The following FAM193A variants were observed in gnomAD, a reference collection of about 807,000 sequenced individuals.
The protein encoded by FAM193A is protein FAM193A.
Under a neutral mutation model 126.5 loss-of-function variants are expected in FAM193A, and 22 were observed. The ratio of observed to expected loss-of-function variants is 0.17; its 90% CI spans 0.12 to 0.25. The LOEUF is 0.25. Ranked by LOEUF, FAM193A falls within the 10% of genes least tolerant of loss-of-function variation. FAM193A has a pLI of 1.00. For missense variants in FAM193A, 1,675 were observed against 1,672.8 expected (o/e 1.00, Z -0.02); for synonymous variants, 761 against 646.8 (o/e 1.18, Z -2.68).
At chr4:2,547,043 G>A (rs1445116827) in intron 1 of FAM193A, among the ~76,000 whole-genome samples, 2 of 152,092 alleles carry the variant, frequency 1.3e-5, no homozygotes, top group African/African-American at 2.4e-5. Flanking sequence ...CTGGCCTCCC[G>A]AAGTGCTAGG....
At chr4:2,699,171 T>C (rs930996374) in intron 18 of FAM193A, among the ~76,000 whole-genome samples, 1 of 152,204 alleles carries the variant, frequency 6.6e-6, no homozygotes, top group Non-Finnish European at 1.5e-5. Flanking sequence ...ACACATTTCT[T>C]ACATTCCCTG....
rs751083004 is a variant in FAM193A at position 2,663,013 on chromosome 4, A to G, written c.1899+22A>G. On this transcript the variant is annotated intron_variant, in intron 11 of 20. Transcript: ENST00000637812. ...TGAGGTATGGACATGGCTTCTTCGT[A>G]GCAACAATAAATGACATAAAATGAT... The G allele has an allele frequency of 1.2e-4, 192 of 1,601,086 alleles. 2 individuals carry two copies. The East Asian group carries it at 3.4e-3, about 29-fold the overall frequency.
At chr4:2,645,534 C>A (rs1057283123) in intron 6 of FAM193A, among the ~76,000 whole-genome samples, 2 of 148,796 alleles carry the variant, frequency 1.3e-5, no homozygotes, top group African/African-American at 4.9e-5. Context: ...TTCTTTTTTT[C>A]TTTTTTTATT....
intron 1 of FAM193A, among the ~76,000 whole-genome samples, chr4:2,566,297 T>A (rs1738945793): frequency 1.3e-5 from 2 of 152,194 alleles, no homozygotes; most frequent in South Asian, 4.1e-4. Context: ...TCTGCCCACC[T>A]TGGCCTCCCA....
At chr4:2,619,106 A>AT (rs1410286885) in intron 2 of FAM193A, among the ~76,000 whole-genome samples, 4 of 151,456 alleles carry the variant, frequency 2.6e-5, no homozygotes, top group Non-Finnish European at 4.4e-5. Flanking sequence ...TGTTTAGTGT[A>AT]TTTTTTTCTT....
rs770373160 is a variant in FAM193A, at chr4:2,699,756, G to GGGA, written c.3597_3599dup (p.Glu1199dup). 4 of 1,613,700 alleles carry GGGA rather than the reference G, an allele frequency of 2.5e-6. No individual in the cohort carries two copies. The highest frequency in any genetic ancestry group is 1.1e-5 in the South Asian group (1 of 91,076). Reference sequence around the variant, plus strand: ...CACCTCCAGGAGGAGCAGAGGCGGCGGGAGGAGGAGGAGGATGAGGAAGAA... The same window carrying GGGA: ...CACCTCCAGGAGGAGCAGAGGCGGCGGGAGGAGGAGGAGGAGGATGAGGAAGAA... On this transcript the variant is annotated inframe_insertion, in exon 19 of 21. Coordinates refer to ENST00000637812, the MANE Select transcript of FAM193A (RefSeq NM_001366318.2).
rs144805843 is a variant in FAM193A at position 2,700,032 on chromosome 4, G to A, written c.3860G>A (p.Arg1287Lys). The A allele has an allele frequency of 1.2e-6, 2 of 1,613,826 alleles. No homozygotes were observed. Among genetic ancestry groups the A allele is most frequent in the African/African-American group, 1.3e-5 (1 of 74,844 alleles). The change falls in exon 19 of 21, where the codon AGG becomes AAG. Residue 1287 changes from arginine (R) to lysine (K), a missense_variant. Coordinates refer to ENST00000637812, the MANE Select transcript of FAM193A (RefSeq NM_001366318.2). Reference sequence around the variant, plus strand: ...AGGCATATGAACCACTCAGAGCCCAGGCCAGGGCTAGGGGCTGATGGGGAT... The same window carrying A: ...AGGCATATGAACCACTCAGAGCCCAAGCCAGGGCTAGGGGCTGATGGGGAT... ...PSRHMNHSEP[R>K]PGLGADGDAA...
intron 5 of FAM193A, 83 bp from the exon 6 acceptor site, chr4:2,639,652 G>T (rs566479258): frequency 6.7e-6 from 7 of 1,045,934 alleles, no homozygotes; most frequent in African/African-American, 3.5e-5. Context: ...AAATGGGGAG[G>T]GGGGAGGGAA....
chr4:2,684,337 G>C (rs1014505024), intron 13 of FAM193A, among the ~76,000 whole-genome samples: 1 of 151,934 alleles, frequency 6.6e-6, no homozygotes, highest in Non-Finnish European at 1.5e-5. Context: ...CTTAAGTCCT[G>C]ATTCTGACTA....
In FAM193A at chr4:2,636,425, C is replaced by G. The variant is rs555114463; in HGVS notation, c.1039-3310C>G. ...GATCTTCTCTGAGAGTACACCAACGCGGGAGAGTTTCTTAATGGTTAGTTG... is the reference window on the plus strand; with the variant it reads ...GATCTTCTCTGAGAGTACACCAACGGGGGAGAGTTTCTTAATGGTTAGTTG... On this transcript the variant is annotated intron_variant, in intron 5 of 20. Transcript: ENST00000637812. Among the ~76,000 whole-genome samples the G allele has an allele frequency of 7.0e-4, 107 of 152,138 alleles. No homozygotes were observed. In the Middle Eastern group the frequency reaches 0.01, roughly 15 times the overall value.
At chr4:2,562,635 T>TG in intron 1 of FAM193A, among the ~76,000 whole-genome samples, 1 of 149,328 alleles carries the variant, frequency 6.7e-6, no homozygotes, top group East Asian at 1.9e-4. Flanking sequence ...TTCCTTTTTT[T>TG]GTTTTTTTTT....
chr4:2,621,383 G>A (rs1270039410), intron 2 of FAM193A, among the ~76,000 whole-genome samples: 3 of 152,080 alleles, frequency 2.0e-5, no homozygotes, highest in Non-Finnish European at 2.9e-5. Context: ...AGGCCTGATG[G>A]GACAGTATTC....
chr4:2,615,464 A>C (rs918572497), intron 2 of FAM193A, among the ~76,000 whole-genome samples: 5 of 152,082 alleles, frequency 3.3e-5, no homozygotes, highest in African/African-American at 1.2e-4. Flanking sequence ...AATTGCCTTT[A>C]TTATGATTTG....
chr4:2,606,946 A>G (rs949819588), intron 2 of FAM193A, among the ~76,000 whole-genome samples: 1 of 152,138 alleles, frequency 6.6e-6, no homozygotes, highest in Non-Finnish European at 1.5e-5. Context: ...GAAGTGACGG[A>G]CTCATTTTGT....
intron 20 of FAM193A, among the ~76,000 whole-genome samples, chr4:2,727,238 A>G (rs576434069): frequency 1.6e-4 from 24 of 152,190 alleles, no homozygotes; most frequent in African/African-American, 5.5e-4. Flanking sequence ...CAGCCTGGCA[A>G]CAGCAAGACT....
At chr4:2,633,041 CA>C (rs1743749074) in intron 5 of FAM193A, among the ~76,000 whole-genome samples, 1 of 152,184 alleles carries the variant, frequency 6.6e-6, no homozygotes, top group African/African-American at 2.4e-5. Context: ...ATGAAGCTGA[CA>C]AAAATTAATT....
intron 7 of FAM193A, among the ~76,000 whole-genome samples, chr4:2,656,830 A>G (rs1711742660): frequency 6.6e-6 from 1 of 152,246 alleles, no homozygotes; most frequent in South Asian, 2.1e-4. Flanking sequence ...AGATGTTACA[A>G]AGTATCAACT....
intron 2 of FAM193A, chr4:2,615,117 A>T (rs1742103810): frequency 6.6e-6 from 1 of 151,152 alleles, no homozygotes; most frequent in Non-Finnish European, 1.5e-5. Flanking sequence ...GTATTTATTT[A>T]TTTTTTTTAA....
chr4:2,605,221 C>A (rs546337826), intron 2 of FAM193A, among the ~76,000 whole-genome samples: 2 of 152,196 alleles, frequency 1.3e-5, no homozygotes, highest in South Asian at 4.1e-4. Context: ...TGCTGTTAAC[C>A]CAGATCCCTT....
Sources: gnomAD v4.1 joint callset for allele counts (sites outside exome capture counted in the v4.1 genomes callset) on GRCh38, gnomAD v4.1.1 for gene constraint, MANE v1.5 for transcripts, NCBI Gene and HGNC (gene_info 2026-07-23, HGNC 2026-07-21) for gene names.